Variants in NCALD observed in about 807,000 individuals in gnomAD.
The protein encoded by NCALD is neurocalcin-delta.
NCALD carries 10 observed loss-of-function variants against 18.6 expected under a neutral mutation model. That is an observed-to-expected ratio of 0.54 (90% CI 0.33 to 0.91). NCALD has a LOEUF of 0.91. Ranked by LOEUF, NCALD falls within the 40% of genes least tolerant of loss-of-function variation. NCALD has a pLI of 0.03. For missense variants in NCALD, 184 were observed against 247.6 expected, an observed-to-expected ratio of 0.74 and a Z score of 1.72; for synonymous variants, 88 against 87.4, an observed-to-expected ratio of 1.01 and a Z score of -0.04.
In NCALD at chr8:101,801,647, T is replaced by TTC. The variant is rs1412857329; in HGVS notation, c.-19-82000_-19-81999insGA. ...TATGATTTACAAGCACACTTACTTTTTTTTTTTTTTTTTTTTTTTTTTTTT... is the reference window on the plus strand; with the variant it reads ...TATGATTTACAAGCACACTTACTTTTTCTTTTTTTTTTTTTTTTTTTTTTTTT... On this transcript the variant is annotated intron_variant, in intron 4 of 6. Coordinates refer to the NCALD transcript ENST00000311028. 1.9e-4 allele frequency among the ~76,000 whole-genome samples: 10 copies of TTC among 52,952 alleles called. 1 individual carries two copies. Among genetic ancestry groups the TTC allele is most frequent in the Non-Finnish European group, 2.4e-4 (8 of 32,814 alleles). The allele number at this position is 52,952 out of a possible 152,430, so 34.7% of individuals were successfully genotyped here.
intron 3 of NCALD, among the ~76,000 whole-genome samples, chr8:101,899,529 G>C (rs1004181357): frequency 6.6e-6 from 1 of 151,852 alleles, no homozygotes; most frequent in African/African-American, 2.4e-5. Context: ...CGTTTTCATA[G>C]ATACTCTTTA....
chr8:101,767,295 G>A (rs1345686816), intron 1 of NCALD, among the ~76,000 whole-genome samples: 1 of 152,110 alleles, frequency 6.6e-6, no homozygotes, highest in Admixed American at 6.6e-5. Flanking sequence ...AACAATAACT[G>A]GCATAGAGTA....
Position 102,037,523 on chromosome 8 carries a change from T to C in NCALD, c.-209-17234A>G, listed in dbSNP as rs144860655. Among the ~76,000 whole-genome samples, 905 of 152,338 alleles carry C rather than the reference T, an allele frequency of 5.9e-3. 5 individuals carry two copies. Among genetic ancestry groups the C allele is most frequent in the African/African-American group, 0.021 (855 of 41,590 alleles). Reference sequence around the variant, plus strand: ...GTAGATAGACATAATACACATATCATACATGTATTATATATGTCAAAATAT... The same window carrying C: ...GTAGATAGACATAATACACATATCACACATGTATTATATATGTCAAAATAT... On this transcript the variant is annotated intron_variant, in intron 1 of 6. Transcript: ENST00000311028.
At chr8:101,699,168 A>C (rs1376710998) in intron 2 of NCALD, among the ~76,000 whole-genome samples, 2 of 151,970 alleles carry the variant, frequency 1.3e-5, no homozygotes, top group Non-Finnish European at 2.9e-5. Context: ...CATATGAAAA[A>C]GCGTATGATC....
At chr8:101,823,945 G>T (rs369900369) in intron 4 of NCALD, among the ~76,000 whole-genome samples, 1 of 152,100 alleles carries the variant, frequency 6.6e-6, no homozygotes, top group East Asian at 1.9e-4. Flanking sequence ...ACCTACATGG[G>T]GACAGTTAGC....
chr8:101,882,520 C>G (rs1056741121), intron 4 of NCALD, among the ~76,000 whole-genome samples: 1 of 152,162 alleles, frequency 6.6e-6, no homozygotes, highest in South Asian at 2.1e-4. Flanking sequence ...AAATAAATTT[C>G]TGTTGTTTAT....
At chr8:102,089,858 G>C (rs79361176) in intron 1 of NCALD, among the ~76,000 whole-genome samples, 9,339 of 152,220 alleles carry the variant, frequency 0.061, 420 homozygotes, top group Non-Finnish European at 0.093. Flanking sequence ...CAGTTAAAAG[G>C]GTATTCAGTT....
In NCALD at chr8:102,046,643, T is replaced by TATAG. The variant is rs568793892; in HGVS notation, c.-209-26358_-209-26355dup. ...CCTCAGTCTCTCAAGTAGCTGGGAC[T>TATAG]ATAGGTGTGCTCCACCATGCCCAGC... On this transcript the variant is annotated intron_variant, in intron 1 of 6. Transcript: ENST00000311028. 2.8e-3 allele frequency among the ~76,000 whole-genome samples: 432 copies of TATAG among 152,274 alleles called. 3 individuals are homozygous for TATAG. Among genetic ancestry groups the TATAG allele is most frequent in the South Asian group, 8.5e-3 (41 of 4,824 alleles).
chr8:101,879,609 T>C (rs1759244620), intron 4 of NCALD, among the ~76,000 whole-genome samples: 1 of 152,136 alleles, frequency 6.6e-6, no homozygotes, highest in African/African-American at 2.4e-5. Flanking sequence ...ACAGCCTGCT[T>C]TTATTCCCTT....
At chr8:101,773,608 A>G (rs1000503869) in intron 1 of NCALD, among the ~76,000 whole-genome samples, 2 of 152,152 alleles carry the variant, frequency 1.3e-5, no homozygotes, top group African/African-American at 4.8e-5. Flanking sequence ...CAAAAGACCA[A>G]TGCCCAGGCC....
intron 4 of NCALD, among the ~76,000 whole-genome samples, chr8:101,801,427 T>C (rs138950351): frequency 6.8e-4 from 104 of 152,114 alleles, no homozygotes; most frequent in African/African-American, 2.4e-3. Context: ...TTTTCAAATG[T>C]ATTCACCAAA....
At chr8:101,843,582 G>GTTTTTTTTTTTTTTTTTTTTT (rs369393213) in intron 4 of NCALD, among the ~76,000 whole-genome samples, 2 of 125,138 alleles carry the variant, frequency 1.6e-5, no homozygotes, top group African/African-American at 3.3e-5. Context: ...TTTAAAAATT[G>GTTTTTTTTTTTTTTTTTTTTT]TTTTTTTTTT....
intron 1 of NCALD, among the ~76,000 whole-genome samples, chr8:102,053,410 G>C (rs1397039076): frequency 6.6e-6 from 1 of 152,164 alleles, no homozygotes; most frequent in African/African-American, 2.4e-5. Flanking sequence ...ATAAAAAGCA[G>C]TTAAGTAGGA....
chr8:101,699,753 C>T (rs188376309), intron 2 of NCALD, among the ~76,000 whole-genome samples: 3 of 152,126 alleles, frequency 2.0e-5, no homozygotes, highest in Non-Finnish European at 4.4e-5. Context: ...CACACTGGGG[C>T]CAGTTGTGGG....
intron 1 of NCALD, among the ~76,000 whole-genome samples, chr8:101,785,489 C>T (rs1077500): frequency 0.63 from 96,065 of 151,970 alleles, 32,723 homozygotes; most frequent in Non-Finnish European, 0.76. Context: ...ATCAGTTTAA[C>T]TAGATAGAAG....
intron 3 of NCALD, chr8:101,690,878 C>CG (rs1376561428): frequency 2.4e-5 from 24 of 985,216 alleles, no homozygotes; most frequent in Admixed American, 1.2e-4. Context: ...TCTCAGGGGT[C>CG]GGCTCTGGGA....
At chr8:101,700,938 G>A (rs1293160608) in intron 2 of NCALD, among the ~76,000 whole-genome samples, 1 of 152,202 alleles carries the variant, frequency 6.6e-6, no homozygotes, top group Non-Finnish European at 1.5e-5. Context: ...TGGGTTTGAG[G>A]AGGAAGTGGG....
At chr8:102,062,999 G>A (rs1204751299) in intron 1 of NCALD, among the ~76,000 whole-genome samples, 1 of 152,104 alleles carries the variant, frequency 6.6e-6, no homozygotes, top group Non-Finnish European at 1.5e-5. Context: ...CTCCAGGGTT[G>A]ACCAGTTATT....
chr8:101,864,831 G>C (rs188369374), intron 4 of NCALD, among the ~76,000 whole-genome samples: 4 of 152,072 alleles, frequency 2.6e-5, no homozygotes, highest in Non-Finnish European at 4.4e-5. Context: ...CCTGACCTCA[G>C]GTGATCCGCC....
Sources: gnomAD v4.1 joint callset for allele counts (sites outside exome capture counted in the v4.1 genomes callset) on GRCh38, gnomAD v4.1.1 for gene constraint, MANE v1.5 for transcripts, NCBI Gene and HGNC (gene_info 2026-07-23, HGNC 2026-07-21) for gene names.